DNAAF9: variants seen among roughly 807,000 people sequenced by gnomAD.
DNAAF9 encodes the protein dynein axonemal assembly factor 9, also known as shulin.
A neutral mutation model predicts 167.0 loss-of-function variants in DNAAF9; 90 were observed. The observed-to-expected ratio is 0.54, with a 90% CI of 0.45 to 0.64. The LOEUF (loss-of-function observed/expected upper bound fraction) is 0.64. Ranked by LOEUF, DNAAF9 falls within the 30% of genes least tolerant of loss-of-function variation. DNAAF9 has a pLI of 0.00. For synonymous variants in DNAAF9, 491 were observed against 508.8 expected (o/e 0.96, Z 0.47); for missense variants, 1,315 against 1,442.2 (o/e 0.91, Z 1.43).
intron 8 of DNAAF9, among the ~76,000 whole-genome samples, chr20:3,346,686 GGTTT>G (rs2070200040): frequency 6.6e-6 from 1 of 152,122 alleles, no homozygotes; most frequent in Non-Finnish European, 1.5e-5. Context: ...AAACTCAAGA[GGTTT>G]GTTACCTACT....
At chr20:3,324,314 C>T (rs920211400) in intron 14 of DNAAF9, among the ~76,000 whole-genome samples, 1 of 152,060 alleles carries the variant, frequency 6.6e-6, no homozygotes, top group Non-Finnish European at 1.5e-5. Flanking sequence ...TCTTTTGTAT[C>T]CTTTGTATAA....
At chr20:3,307,981 A>AC (rs1400571310) in intron 20 of DNAAF9, among the ~76,000 whole-genome samples, 1 of 151,132 alleles carries the variant, frequency 6.6e-6, no homozygotes, top group Non-Finnish European at 1.5e-5. Context: ...AAAAAAAAAA[A>AC]AAAAAAACTA....
At chr20:3,263,919 G>A (rs1049134442) in intron 31 of DNAAF9, among the ~76,000 whole-genome samples, 15 of 152,222 alleles carry the variant, frequency 9.9e-5, no homozygotes, top group Non-Finnish European at 1.9e-4. Context: ...ATGTTCCAGC[G>A]TGTTGGTATT....
intron 13 of DNAAF9, 47 bp from the exon 14 acceptor site, chr20:3,325,015 A>C (rs1166140371): frequency 2.8e-6 from 3 of 1,056,360 alleles, no homozygotes; most frequent in Non-Finnish European, 4.5e-6. Flanking sequence ...AGCAGGAAAA[A>C]GTACACATAT....
chr20:3,326,452 CCAGGCATAGTGGCT>C, intron 12 of DNAAF9, among the ~76,000 whole-genome samples, 168 bp from the exon 13 acceptor site: 1 of 152,098 alleles, frequency 6.6e-6, no homozygotes, highest in East Asian at 1.9e-4. Context: ...CATGCCTGGG[CCAGGCATAGTGGCT>C]CAGGCTTGTA....
chr20:3,371,619 A>T (rs1740288151), intron 6 of DNAAF9, among the ~76,000 whole-genome samples: 1 of 152,158 alleles, frequency 6.6e-6, no homozygotes, highest in Non-Finnish European at 1.5e-5. Context: ...CTGGGATTAC[A>T]GGTGTGAGCC....
At chr20:3,320,058 A>G (rs922135316) in intron 16 of DNAAF9, among the ~76,000 whole-genome samples, 1 of 152,170 alleles carries the variant, frequency 6.6e-6, no homozygotes, top group African/African-American at 2.4e-5. Context: ...GGAAGAGAGG[A>G]TATTAAAAAG....
chr20:3,360,791 C>T (rs1241379123), intron 6 of DNAAF9, among the ~76,000 whole-genome samples: 1 of 152,176 alleles, frequency 6.6e-6, no homozygotes, highest in South Asian at 2.1e-4. Context: ...TTTAAAACTT[C>T]AATTTTTAAA....
chr20:3,353,052 A>ATG (rs1396552915), intron 7 of DNAAF9, among the ~76,000 whole-genome samples: 1 of 149,298 alleles, frequency 6.7e-6, no homozygotes, highest in African/African-American at 2.4e-5. Context: ...ATGTAAATAT[A>ATG]TGTATATATA....
Position 3,310,808 on chromosome 20 carries a change from G to A in DNAAF9, c.1678+4225C>T, listed in dbSNP as rs147202322. On this transcript the variant is annotated intron_variant, in intron 20 of 36. Transcript: ENST00000252032. Reference sequence around the variant, plus strand: ...AATAGCTTGGCCAATAAATAAAGACGGTTCACTAATAATAAGAGAAATGTA... The same window carrying A: ...AATAGCTTGGCCAATAAATAAAGACAGTTCACTAATAATAAGAGAAATGTA... 2.7e-3 allele frequency among the ~76,000 whole-genome samples: 417 copies of A among 152,106 alleles called. 4 individuals carry two copies. Among genetic ancestry groups the A allele is most frequent in the East Asian group, 0.018 (93 of 5,190 alleles).
chr20:3,259,882 C>G (rs538144361), intron 32 of DNAAF9, 40 bp downstream of exon 32: 3 of 1,177,172 alleles, frequency 2.5e-6, no homozygotes, highest in Admixed American at 3.4e-5. Flanking sequence ...CTCTGGGACA[C>G]CCTTTTTCCA....
chr20:3,374,901 T>C (rs181821546), intron 5 of DNAAF9, 129 bp downstream of exon 5: 6 of 637,450 alleles, frequency 9.4e-6, no homozygotes, highest in Non-Finnish European at 1.7e-5. Flanking sequence ...TTAATTCTGC[T>C]TGATGTCTTT....
chr20:3,323,875 G>A (rs918870104), intron 14 of DNAAF9, among the ~76,000 whole-genome samples: 1 of 152,238 alleles, frequency 6.6e-6, no homozygotes, highest in Non-Finnish European at 1.5e-5. Context: ...TGCTTTACAA[G>A]GTGGGTAGCT....
At chr20:3,363,975 T>G (rs2083398236) in intron 6 of DNAAF9, among the ~76,000 whole-genome samples, 1 of 152,204 alleles carries the variant, frequency 6.6e-6, no homozygotes, top group Non-Finnish European at 1.5e-5. Flanking sequence ...TTTGGGTTTT[T>G]TTTGTTTTTG....
At chr20:3,328,868 CCT>C (rs1491583022) in intron 12 of DNAAF9, among the ~76,000 whole-genome samples, 2 of 140,500 alleles carry the variant, frequency 1.4e-5, no homozygotes, top group African/African-American at 5.5e-5. Context: ...ACACAATTTT[CCT>C]TTTTTTTTTT....
rs144902038 is a variant in DNAAF9 at position 3,386,819 on chromosome 20, T to C, written c.84-4313A>G. 3.5e-3 allele frequency among the ~76,000 whole-genome samples: 531 copies of C among 151,714 alleles called. 5 individuals are homozygous for C. Among genetic ancestry groups the C allele is most frequent in the Admixed American group, 5.0e-3 (76 of 15,254 alleles). On this transcript the variant is annotated intron_variant, in intron 1 of 36. Coordinates refer to ENST00000252032, the MANE Select transcript of DNAAF9 (RefSeq NM_001009984.3). ...GCAAAAGGTATAAAGAAACAATTTGTCAAAGAGGATACAGAAATGGCAGAG... is the reference window on the plus strand; with the variant it reads ...GCAAAAGGTATAAAGAAACAATTTGCCAAAGAGGATACAGAAATGGCAGAG...
At chr20:3,337,044 T>G (rs1481569500) in intron 10 of DNAAF9, among the ~76,000 whole-genome samples, 2 of 151,626 alleles carry the variant, frequency 1.3e-5, no homozygotes, top group African/African-American at 4.8e-5. Context: ...CACACCCAGC[T>G]AATTTTTTCT....
intron 1 of DNAAF9, 41 bp downstream of exon 1, chr20:3,407,433 TC>T (rs1456966882): frequency 3.1e-6 from 4 of 1,271,760 alleles, no homozygotes; most frequent in Non-Finnish European, 3.0e-6. Context: ...ACAGCCCGCA[TC>T]CCCCGCCCGG....
At chr20:3,363,306 G>A (rs983242077) in intron 6 of DNAAF9, among the ~76,000 whole-genome samples, 13 of 141,564 alleles carry the variant, frequency 9.2e-5, no homozygotes, top group African/African-American at 3.2e-4. Flanking sequence ...GTTTTAAAAT[G>A]TCTTTATTCT....
Sources: allele counts gnomAD v4.1 joint callset (sites outside exome capture counted in the v4.1 genomes callset), GRCh38; gene constraint gnomAD v4.1.1; transcripts MANE v1.5; gene names NCBI Gene and HGNC (gene_info 2026-07-23, HGNC 2026-07-21).